Variants in ATOSA observed in about 807,000 individuals in gnomAD.
ATOSA encodes the protein atos homolog protein A.
chr15:52,703,473 T>C, the ATOSA span, among the ~76,000 whole-genome samples: 1,402 of 152,260 alleles, frequency 9.2e-3, 21 homozygotes, highest in African/African-American at 0.032. Flanking sequence ...TGGTGCATTC[T>C]GTTAGCAAGG....
At chr15:52,590,293 G>A in the ATOSA span, among the ~76,000 whole-genome samples, 2 of 152,164 alleles carry the variant, frequency 1.3e-5, no homozygotes, top group Non-Finnish European at 2.9e-5. Flanking sequence ...TTAGAAATTT[G>A]CCACTGGCAC....
the ATOSA span, among the ~76,000 whole-genome samples, chr15:52,612,019 C>T: frequency 8.5e-5 from 13 of 152,262 alleles, no homozygotes; most frequent in Non-Finnish European, 1.5e-4. Flanking sequence ...GAGACTTGCT[C>T]TGTCGCCCAG....
the ATOSA span, among the ~76,000 whole-genome samples, chr15:52,702,734 G>A: frequency 2.2e-5 from 3 of 135,580 alleles, no homozygotes; most frequent in Non-Finnish European, 4.6e-5. Context: ...TAACAAACCT[G>A]TACATGTATC....
chr15:52,697,945 C>T, the ATOSA span, among the ~76,000 whole-genome samples: 1 of 111,206 alleles, frequency 9.0e-6, no homozygotes, highest in Admixed American at 9.7e-5. Context: ...TAAGTATTTT[C>T]AGGGATGTAG....
the ATOSA span, among the ~76,000 whole-genome samples, chr15:52,591,098 T>C: frequency 2.0e-5 from 3 of 152,234 alleles, no homozygotes; most frequent in Non-Finnish European, 4.4e-5. Context: ...TAGTTCAAGT[T>C]ACCTCTTGCT....
the ATOSA span, chr15:52,608,761 G>A: frequency 6.2e-7 from 1 of 1,607,950 alleles, no homozygotes; most frequent in Non-Finnish European, 8.5e-7. Context: ...ATTAAGTTGA[G>A]TATTTTGCTC....
At chr15:52,609,211 A>T in the ATOSA span, 1 of 1,611,950 alleles carries the variant, frequency 6.2e-7, no homozygotes, top group Non-Finnish European at 8.5e-7. Flanking sequence ...ATTATTTTTA[A>T]AAGAAGTAAA....
the ATOSA span, among the ~76,000 whole-genome samples, chr15:52,603,907 T>A: frequency 2.6e-5 from 4 of 152,206 alleles, no homozygotes; most frequent in Non-Finnish European, 5.9e-5. Flanking sequence ...GAATAAGATC[T>A]AGTATTTGGT....
chr15:52,685,642 C>T, the ATOSA span, among the ~76,000 whole-genome samples: 3 of 152,100 alleles, frequency 2.0e-5, no homozygotes, highest in Non-Finnish European at 4.4e-5. Context: ...CCATGTTGCC[C>T]AGGCTGGTCT....
At chr15:52,679,781 TCCTCCTCCTCCTCCCC>T in the ATOSA span, among the ~76,000 whole-genome samples, 3 of 86,198 alleles carry the variant, frequency 3.5e-5, no homozygotes, top group African/African-American at 1.5e-4. Flanking sequence ...CTCCTCCTCC[TCCTCCTCCTCCTCCCC>T]CCTCCCCCTC....
chr15:52,609,369 C>G, the ATOSA span: 2 of 1,613,856 alleles, frequency 1.2e-6, no homozygotes, highest in Non-Finnish European at 1.7e-6. Flanking sequence ...TAGATGCAAC[C>G]GAACTGGAGT....
the ATOSA span, among the ~76,000 whole-genome samples, chr15:52,641,334 T>C: frequency 6.6e-6 from 1 of 152,222 alleles, no homozygotes; most frequent in Non-Finnish European, 1.5e-5. Flanking sequence ...TCTGTGTGAA[T>C]AGTAACCAAG....
the ATOSA span, among the ~76,000 whole-genome samples, chr15:52,601,966 C>A: frequency 3.3e-5 from 5 of 152,224 alleles, no homozygotes; most frequent in South Asian, 2.1e-4. Flanking sequence ...TCAATCTAAA[C>A]CCTCATGTCT....
the ATOSA span, chr15:52,611,520 G>C: frequency 6.5e-7 from 1 of 1,535,944 alleles, no homozygotes; most frequent in Non-Finnish European, 8.9e-7. Flanking sequence ...TTTATAAGAA[G>C]TAATGGAAAA....
chr15:52,582,194 G>C, the ATOSA span: 1 of 1,592,552 alleles, frequency 6.3e-7, no homozygotes. Context: ...TGGTGATTCA[G>C]TGTAAGATTT....
the ATOSA span, among the ~76,000 whole-genome samples, chr15:52,659,589 T>G: frequency 2.0e-5 from 3 of 152,312 alleles, no homozygotes; most frequent in Non-Finnish European, 4.4e-5. Context: ...CAAGGACCCA[T>G]GTAAATTACA....
chr15:52,585,012 G>T, the ATOSA span: 1 of 1,324,536 alleles, frequency 7.5e-7, no homozygotes. Context: ...GAATGATTGT[G>T]CCAATAATCA....
chr15:52,624,088 C>G, the ATOSA span, among the ~76,000 whole-genome samples: 1 of 152,102 alleles, frequency 6.6e-6, no homozygotes, highest in Admixed American at 6.5e-5. Context: ...TAGTTAGGTT[C>G]TTATTATTTT....
At chr15:52,590,315 A>T in the ATOSA span, among the ~76,000 whole-genome samples, 1 of 152,196 alleles carries the variant, frequency 6.6e-6, no homozygotes, top group African/African-American at 2.4e-5. Flanking sequence ...CCTGCCTTAG[A>T]TATTTCTGCC....
Sources: allele counts gnomAD v4.1 joint callset (sites outside exome capture counted in the v4.1 genomes callset), GRCh38; gene constraint gnomAD v4.1.1; transcripts MANE v1.5; gene names NCBI Gene and HGNC (gene_info 2026-07-23, HGNC 2026-07-21).